The following WDHD1 variants were observed in gnomAD, a reference collection of about 807,000 sequenced individuals.
WDHD1 encodes the protein WD repeat and HMG-box DNA binding protein 1.
In WDHD1, 111 loss-of-function variants were observed where a neutral mutation model predicts 135.4. That is an observed-to-expected ratio of 0.82 (90% CI 0.70 to 0.96). The LOEUF (loss-of-function observed/expected upper bound fraction) is 0.96. WDHD1 is among the 40% of genes least tolerant of loss of function. The pLI is 0.00. For missense variants in WDHD1, 1,351 were observed against 1,336.3 expected (o/e 1.01, Z -0.17); for synonymous variants, 434 against 439.0 (o/e 0.99, Z 0.14).
chr14:54,972,592 G>GAAAAC (rs2041458422), intron 16 of WDHD1, among the ~76,000 whole-genome samples: 1 of 32,962 alleles, frequency 3.0e-5, no homozygotes, highest in Non-Finnish European at 5.2e-5. Flanking sequence ...AAAAAAAAAT[G>GAAAAC]CCAATGAGGC....
In WDHD1 at chr14:54,941,131, C is replaced by T. The variant is rs573527746; in HGVS notation, c.*359G>A. On this transcript the variant is annotated 3_prime_UTR_variant, in exon 26 of 26. Transcript: ENST00000360586. ...TGTCCTTCCTTGCACATGACAAAAACCAAATGAACCAAACCCCTAGAAGGT... is the reference window on the plus strand; with the variant it reads ...TGTCCTTCCTTGCACATGACAAAAATCAAATGAACCAAACCCCTAGAAGGT... 6.8e-4 allele frequency: 113 copies of T among 165,142 alleles called. No individual in the cohort carries two copies. Among genetic ancestry groups the T allele is most frequent in the Admixed American group, 9.5e-4 (16 of 16,846 alleles). The allele number at this position is 165,142 out of a possible 1,614,324, so 10.2% of individuals were successfully genotyped here. A position where few individuals can be genotyped will look rare whatever the true frequency, so the allele number is the denominator to read the frequency against.
intron 12 of WDHD1, among the ~76,000 whole-genome samples, chr14:54,990,417 G>A (rs2041765960): frequency 6.6e-6 from 1 of 152,062 alleles, no homozygotes; most frequent in African/African-American, 2.4e-5. Flanking sequence ...CTAACATGGT[G>A]AAATCCCATC....
rs139419687 is a variant in WDHD1 at position 55,016,768 on chromosome 14, C to T, written c.78-3172G>A. On this transcript the variant is annotated intron_variant, in intron 2 of 25. Coordinates refer to ENST00000360586, the MANE Select transcript of WDHD1 (RefSeq NM_007086.4). ...GGCTAGTAGCTACTGTATTGGACAG[C>T]GCAGCATTAAAAGAAATGTCAGTTG... 5.5e-3 allele frequency among the ~76,000 whole-genome samples: 836 copies of T among 152,248 alleles called. 10 individuals are homozygous for T. Among genetic ancestry groups the T allele is most frequent in the African/African-American group, 0.019 (773 of 41,536 alleles).
intron 13 of WDHD1, among the ~76,000 whole-genome samples, chr14:54,988,232 G>A (rs1022854890): frequency 2.0e-5 from 3 of 149,232 alleles, no homozygotes; most frequent in East Asian, 2.0e-4. Context: ...TTGTTTTTCC[G>A]TTTTTTTTTC....
chr14:54,992,361 G>T (rs1309351820), intron 11 of WDHD1, among the ~76,000 whole-genome samples: 3 of 152,038 alleles, frequency 2.0e-5, no homozygotes, highest in African/African-American at 7.2e-5. Flanking sequence ...ATGGTGGCGG[G>T]CACCTATAAT....
At position 55,019,074 on chromosome 14, in the gene WDHD1, A is replaced by C. The variant is rs544804713; in HGVS notation, c.78-5478T>G. Among the ~76,000 whole-genome samples, 4 of 152,346 alleles carry C rather than the reference A, an allele frequency of 2.6e-5. No homozygotes were observed. In the East Asian group the frequency reaches 7.7e-4, roughly 29 times the overall value. On this transcript the variant is annotated intron_variant, in intron 2 of 25. Coordinates refer to ENST00000360586, the MANE Select transcript of WDHD1 (RefSeq NM_007086.4). Reference sequence around the variant, plus strand: ...TGAAGATTTAACTTCAAATTTATTCAGCATAAAATGCAACTCTAAACAAGG... The same window carrying C: ...TGAAGATTTAACTTCAAATTTATTCCGCATAAAATGCAACTCTAAACAAGG...
intron 10 of WDHD1, among the ~76,000 whole-genome samples, chr14:54,998,562 A>T (rs1464091953): frequency 6.6e-6 from 1 of 152,210 alleles, no homozygotes; most frequent in East Asian, 1.9e-4. Context: ...CTACAGAATA[A>T]ATCCTTCCAG....
rs773160680 is a variant in WDHD1 at position 54,991,193 on chromosome 14, A to G, written c.1341+20T>C. The G allele has an allele frequency of 7.3e-7, 1 of 1,372,254 alleles. No homozygotes were observed. Among genetic ancestry groups the G allele is most frequent in the Non-Finnish European group, 1.0e-6 (1 of 972,376 alleles). The allele number at this position is 1,372,254 out of a possible 1,614,324, so 85.0% of individuals were successfully genotyped here. A position where few individuals can be genotyped will look rare whatever the true frequency, so the allele number is the denominator to read the frequency against. On this transcript the variant is annotated intron_variant, in intron 12 of 25. Transcript: ENST00000360586. ...GTGCTGAAAACCTACTAAGAAGTTA[A>G]GTGTAGATCCAAGTCTTACCATGAA... is the stretch of plus-strand genomic sequence containing the variant.
intron 7 of WDHD1, chr14:55,005,713 A>G (rs1304308328): frequency 4.4e-6 from 2 of 453,546 alleles, no homozygotes; most frequent in African/African-American, 2.0e-5. Context: ...TTAAGTTACG[A>G]TGGGAATCCA....
At chr14:54,956,694 A>T (rs1376990558) in intron 23 of WDHD1, among the ~76,000 whole-genome samples, 12 of 152,188 alleles carry the variant, frequency 7.9e-5, no homozygotes, top group Admixed American at 7.2e-4. Context: ...ATCTGCTACA[A>T]AGTGTGTAAC....
intron 11 of WDHD1, 122 bp from the exon 12 acceptor site, chr14:54,991,522 T>C (rs1330221243): frequency 5.4e-6 from 5 of 931,848 alleles, no homozygotes; most frequent in Non-Finnish European, 8.0e-6. Flanking sequence ...GCTATTTGCC[T>C]CTTTCACTGT....
chr14:54,957,512 G>A lies in WDHD1; in HGVS notation c.2745+80C>T. 4 of 1,253,628 alleles carry A rather than the reference G, an allele frequency of 3.2e-6. No individual in the cohort carries two copies. The South Asian group carries it at 5.9e-5, about 18-fold the overall frequency. 77.7% of individuals were successfully genotyped at this position (1,253,628 alleles called of 1,614,324 possible). A position where few individuals can be genotyped will look rare whatever the true frequency, so the allele number is the denominator to read the frequency against. ...TCTTTCATGCCTCCAAGTCTGGGGA[G>A]AGTCATCTCATCATTTGGAAATATT... On this transcript the variant is annotated intron_variant, in intron 22 of 25. Transcript: ENST00000360586.
Position 55,020,952 on chromosome 14 carries a change from G to C in WDHD1, c.77+5759C>G, listed in dbSNP as rs530237511. Among the ~76,000 whole-genome samples the C allele has an allele frequency of 8.5e-5, 13 of 152,244 alleles. No homozygotes were observed. The East Asian group carries it at 9.6e-4, about 11-fold the overall frequency. On this transcript the variant is annotated intron_variant, in intron 2 of 25. Coordinates refer to ENST00000360586, the MANE Select transcript of WDHD1 (RefSeq NM_007086.4). ...TTAAGTGGAAGTAGATCATCATAAA[G>C]GTCTTCATCCTTATCGTCTTCACAG...
At position 54,974,775 on chromosome 14, in the gene WDHD1, T is replaced by C. The variant is rs1595083302; in HGVS notation, c.2063+6765A>G. 3.3e-5 allele frequency among the ~76,000 whole-genome samples: 5 copies of C among 152,200 alleles called. No homozygotes were observed. The South Asian group carries it at 1.0e-3, about 32-fold the overall frequency. On this transcript the variant is annotated intron_variant, in intron 16 of 25. Coordinates refer to ENST00000360586, the MANE Select transcript of WDHD1 (RefSeq NM_007086.4). ...CCGGAAGGAGGAGGTTGCAGTGAGATGAGATTGTGCCACTGTACTAGCCTG... is the reference window on the plus strand; with the variant it reads ...CCGGAAGGAGGAGGTTGCAGTGAGACGAGATTGTGCCACTGTACTAGCCTG...
At chr14:54,976,932 TTC>T (rs2041533997) in intron 16 of WDHD1, among the ~76,000 whole-genome samples, 1 of 152,194 alleles carries the variant, frequency 6.6e-6, no homozygotes, top group South Asian at 2.1e-4. Context: ...TTAGTGTATC[TTC>T]TCAGTGCTTC....
chr14:54,969,228 C>T (rs183292815), intron 16 of WDHD1, among the ~76,000 whole-genome samples: 279 of 151,408 alleles, frequency 1.8e-3, no homozygotes, highest in Middle Eastern at 6.8e-3. Context: ...TTAGTAGAGA[C>T]GGGGTTTCAC....
At chr14:55,000,214 T>C (rs1428197168) in intron 10 of WDHD1, among the ~76,000 whole-genome samples, 3 of 151,998 alleles carry the variant, frequency 2.0e-5, no homozygotes, top group South Asian at 2.1e-4. Context: ...TAATTCAGAG[T>C]AGAAACAGTT....
At chr14:55,015,954 C>T (rs1336740093) in intron 2 of WDHD1, among the ~76,000 whole-genome samples, 1 of 152,198 alleles carries the variant, frequency 6.6e-6, no homozygotes, top group Non-Finnish European at 1.5e-5. Context: ...CCACCTCGGC[C>T]TCTCAAAGTG....
chr14:54,966,703 ATGTTCTGAACTCTTC>A (rs2041352091), intron 17 of WDHD1, 97 bp from the exon 18 acceptor site: 12 of 1,284,832 alleles, frequency 9.3e-6, no homozygotes, highest in Non-Finnish European at 1.3e-5. Context: ...TGAATAAAAT[ATGTTCTGAACTCTTC>A]CTTTCTATAA....
Sources: allele counts gnomAD v4.1 joint callset (sites outside exome capture counted in the v4.1 genomes callset), GRCh38; gene constraint gnomAD v4.1.1; transcripts MANE v1.5; gene names NCBI Gene and HGNC (gene_info 2026-07-23, HGNC 2026-07-21).